ASB11: variants seen among roughly 807,000 people sequenced by gnomAD.
The protein encoded by ASB11 is ankyrin repeat and SOCS box containing 11, also known as ankyrin repeat and SOCS box protein 11.
Under a neutral mutation model 20.1 loss-of-function variants are expected in ASB11, and 17 were observed. That is an observed-to-expected ratio of 0.85 (90% CI 0.58 to 1.27). The LOEUF is 1.27. Ranked by LOEUF, ASB11 falls within the 50% of genes most tolerant of loss-of-function variation. The pLI is 0.00. For synonymous variants in ASB11, 107 were observed against 105.6 expected (o/e 1.01, Z -0.08); for missense variants, 259 against 256.9 (o/e 1.01, Z -0.06).
chrX:15,294,646 C>T (rs936981460), intron 3 of ASB11, among the ~76,000 whole-genome samples: 1 of 112,456 alleles, frequency 8.9e-6, no homozygotes, highest in African/African-American at 3.2e-5. Context: ...GCAGGGATTA[C>T]AGGTGTGAGC....
At position 15,283,550 on chromosome X, in the gene ASB11, C is replaced by G. The variant is rs775982955; in HGVS notation, c.927G>C (p.Lys309Asn). Reference protein sequence around the residue: ...LGRACHQAIHKLHLPEPLERF... With the variant: ...LGRACHQAIHNLHLPEPLERF... Reference sequence around the variant, plus strand: ...GTTCGAGTGGCTCTGGCAGATGTAGCTTGTGGATGGCTTGATGACATGCTC... The same window carrying G: ...GTTCGAGTGGCTCTGGCAGATGTAGGTTGTGGATGGCTTGATGACATGCTC... The change falls in exon 7 of 7, where the codon AAG becomes AAC. Residue 309 changes from lysine (K) to asparagine (N), a missense_variant. Transcript: ENST00000480796. The G allele has an allele frequency of 1.1e-5, 13 of 1,210,428 alleles. No individual in the cohort carries two copies. Among genetic ancestry groups the G allele is most frequent in the South Asian group, 1.8e-5 (1 of 56,878 alleles).
chrX:15,286,888 A>T (rs758034600), intron 6 of ASB11, among the ~76,000 whole-genome samples: 81 of 111,733 alleles, frequency 7.2e-4, no homozygotes, highest in African/African-American at 2.5e-3. Flanking sequence ...TGCCTGGCAT[A>T]CGTAGAGCTG....
At chrX:15,283,732 A>G in intron 6 of ASB11, 103 bp from the exon 7 acceptor site, 3 of 959,331 alleles carry the variant, frequency 3.1e-6, no homozygotes, top group Non-Finnish European at 4.4e-6. Context: ...TAAAAGCAGA[A>G]GAGAAGCTGG....
In ASB11 at chrX:15,283,636, G is replaced by A; in HGVS notation, c.848-7C>T. 1.7e-6 allele frequency: 2 copies of A among 1,203,235 alleles called. No homozygotes were observed. Among genetic ancestry groups the A allele is most frequent in the African/African-American group, 1.7e-5 (1 of 57,396 alleles). ...TGGGAAAGAGCAGGTGGGCCTGAGA[G>A]AGAAATAAAAATGGTGTTAACTTCA... On this transcript the variant is annotated splice_region_variant and splice_polypyrimidine_tract_variant and intron_variant, in intron 6 of 6. Transcript: ENST00000480796.
intron 3 of ASB11, 66 bp from the exon 4 acceptor site, chrX:15,293,386 T>C: frequency 9.0e-7 from 1 of 1,117,162 alleles, no homozygotes; most frequent in Non-Finnish European, 1.2e-6. Context: ...CAAGTATGTC[T>C]TCCTATGTAT....
At position 15,283,628 on chromosome X, in the gene ASB11, G is replaced by A; in HGVS notation, c.849C>T (p.Gly283=). Residue 283 remains glycine, a splice_region_variant and synonymous_variant, in exon 7 of 7, where the codon GGC becomes GGT. Transcript: ENST00000480796. The part of the protein sequence containing the change: ...SVEQALLLRE[G]PPALSQLCRL... ...GGCAGAGCTGGGAAAGAGCAGGTGG[G>A]CCTGAGAGAGAAATAAAAATGGTGT... 1 of 1,209,366 alleles carries A rather than the reference G, an allele frequency of 8.3e-7. No homozygotes were observed. The highest frequency in any genetic ancestry group is 2.2e-5 in the Admixed American group (1 of 45,928).
chrX:15,312,512 A>C (rs1262091192), intron 1 of ASB11, among the ~76,000 whole-genome samples: 2 of 107,325 alleles, frequency 1.9e-5, no homozygotes, highest in Non-Finnish European at 3.9e-5. Flanking sequence ...GCTTCCAAAA[A>C]AAAAAAAAAA....
chrX:15,283,687 G>C, intron 6 of ASB11, 58 bp from the exon 7 acceptor site: 7 of 1,169,004 alleles, frequency 6.0e-6, no homozygotes, highest in Non-Finnish European at 8.1e-6. Context: ...GGGTGGAAGG[G>C]GGAAATCAGA....
chrX:15,312,417 C>CAAAA (rs1231680554), intron 1 of ASB11, among the ~76,000 whole-genome samples: 3,338 of 23,583 alleles, frequency 0.14, 179 homozygotes, highest in East Asian at 0.31. Context: ...GCCCACTGCA[C>CAAAA]AAAAAAAAAA....
At chrX:15,290,057 C>T (rs1398658739) in intron 4 of ASB11, 2 of 115,524 alleles carry the variant, frequency 1.7e-5, no homozygotes, top group African/African-American at 3.3e-5. Flanking sequence ...ATTAAATAAC[C>T]TAGATCTCTT....
intron 1 of ASB11, 132 bp downstream of exon 1, chrX:15,315,293 A>T: frequency 1.9e-6 from 1 of 533,452 alleles, no homozygotes; most frequent in Non-Finnish European, 2.7e-6. Flanking sequence ...TTGCTACTTT[A>T]AGTGACAATT....
chrX:15,285,470 T>C (rs1194074764), intron 6 of ASB11, among the ~76,000 whole-genome samples: 1 of 110,793 alleles, frequency 9.0e-6, no homozygotes, highest in Non-Finnish European at 1.9e-5. Context: ...AGTGGCTATA[T>C]TTATGAAGAC....
chrX:15,301,825 G>A (rs1921078301), intron 2 of ASB11, among the ~76,000 whole-genome samples: 1 of 111,793 alleles, frequency 8.9e-6, no homozygotes, highest in African/African-American at 3.3e-5. Context: ...TGTTCCCTGG[G>A]GAGTCAGATT....
chrX:15,285,974 C>CA (rs1927374794), intron 6 of ASB11, among the ~76,000 whole-genome samples: 1 of 110,736 alleles, frequency 9.0e-6, no homozygotes, highest in African/African-American at 3.3e-5. Flanking sequence ...CACTGCACTC[C>CA]AGCCTGGGCA....
At chrX:15,298,682 C>G (rs1433624845) in intron 2 of ASB11, among the ~76,000 whole-genome samples, 2 of 111,666 alleles carry the variant, frequency 1.8e-5, no homozygotes, top group African/African-American at 6.5e-5. Context: ...AACAGGCTGG[C>G]ATGGGCCTGC....
chrX:15,310,744 T>G (rs1921405957), intron 1 of ASB11, among the ~76,000 whole-genome samples: 1 of 112,499 alleles, frequency 8.9e-6, no homozygotes, highest in African/African-American at 3.2e-5. Flanking sequence ...TCCCAGCACT[T>G]TGGGAGGCCA....
At chrX:15,288,711 C>A (rs1353185392) in intron 5 of ASB11, among the ~76,000 whole-genome samples, 2 of 110,399 alleles carry the variant, frequency 1.8e-5, no homozygotes, top group African/African-American at 6.6e-5. Context: ...TGGTAAAATC[C>A]TGTCTCTACT....
chrX:15,300,158 G>GA (rs778810047), intron 2 of ASB11, among the ~76,000 whole-genome samples: 1 of 112,579 alleles, frequency 8.9e-6, no homozygotes, highest in East Asian at 2.8e-4. Context: ...AAGTGTGCTA[G>GA]AAAAAACTGT....
chrX:15,313,749 C>G (rs980003637), intron 1 of ASB11, among the ~76,000 whole-genome samples: 3 of 110,772 alleles, frequency 2.7e-5, no homozygotes, highest in Non-Finnish European at 5.7e-5. Context: ...GGTTTTATAC[C>G]TTTTTTAAGA....
Sources: allele counts gnomAD v4.1 joint callset (sites outside exome capture counted in the v4.1 genomes callset), GRCh38; gene constraint gnomAD v4.1.1; transcripts MANE v1.5; gene names NCBI Gene and HGNC (gene_info 2026-07-23, HGNC 2026-07-21).